PRMT8: variants seen among roughly 807,000 people sequenced by gnomAD.
PRMT8 encodes protein arginine N-methyltransferase 8.
A neutral mutation model predicts 47.1 loss-of-function variants in PRMT8; 7 were observed. That is an observed-to-expected ratio of 0.15 (90% CI 0.08 to 0.28). The LOEUF is 0.28. PRMT8 is among the 10% of genes least tolerant of loss of function. The probability of loss-of-function intolerance (pLI) is 1.00; values close to 1 mark genes in which losing one functional copy is unlikely to be tolerated. For missense variants in PRMT8, 237 were observed against 505.4 expected (o/e 0.47, Z 5.09); for synonymous variants, 188 against 186.5 (o/e 1.01, Z -0.07).
intron 1 of PRMT8, among the ~76,000 whole-genome samples, chr12:3,420,233 T>C (rs1221185273): frequency 2.6e-5 from 4 of 152,122 alleles, no homozygotes; most frequent in African/African-American, 9.7e-5. Flanking sequence ...CAGCTCATCC[T>C]GATTTGGTGA....
intron 8 of PRMT8, among the ~76,000 whole-genome samples, chr12:3,591,113 G>A (rs1867290843): frequency 6.6e-6 from 1 of 152,174 alleles, no homozygotes; most frequent in Non-Finnish European, 1.5e-5. Context: ...ACAGCTGCTG[G>A]CAAGGACGGT....
At position 3,453,000 on chromosome 12, in the gene PRMT8, C is replaced by T. The variant is rs188434330; in HGVS notation, c.48+71558C>T. Among the ~76,000 whole-genome samples, 3 of 152,292 alleles carry T rather than the reference C, an allele frequency of 2.0e-5. No individual in the cohort carries two copies. The East Asian group carries it at 5.8e-4, about 29-fold the overall frequency. On this transcript the variant is annotated intron_variant, in intron 1 of 9. Transcript: ENST00000452611. ...AAAAATCCACACAAAGAAAACATTC[C>T]TGCCTATTCAGAGCTTACAGCCTAA...
chr12:3,387,280 A>G (rs1864150319), intron 1 of PRMT8, among the ~76,000 whole-genome samples: 1 of 152,250 alleles, frequency 6.6e-6, no homozygotes, highest in Non-Finnish European at 1.5e-5. Context: ...AGAGGATGTC[A>G]AAAGAGAAAA....
At chr12:3,435,700 T>G (rs1481229436) in intron 1 of PRMT8, among the ~76,000 whole-genome samples, 1 of 152,042 alleles carries the variant, frequency 6.6e-6, no homozygotes, top group African/African-American at 2.4e-5. Flanking sequence ...TTTTGTATTT[T>G]TAGCAGACAC....
intron 1 of PRMT8, among the ~76,000 whole-genome samples, chr12:3,528,163 GGT>G (rs1019209294): frequency 3.9e-5 from 6 of 152,134 alleles, no homozygotes; most frequent in African/African-American, 1.4e-4. Context: ...TTGTGTTCAG[GGT>G]TTGTTGGGGT....
Position 3,453,838 on chromosome 12 carries a change from G to A in PRMT8, c.48+72396G>A, listed in dbSNP as rs1864946511. On this transcript the variant is annotated intron_variant, in intron 1 of 9. Coordinates refer to the PRMT8 transcript ENST00000452611. This position sits in a 1 kb window ranked among gnomAD's most constrained non-coding sequence, Gnocchi z 4.9. Reference sequence around the variant, plus strand: ...CCTGCTATGCTAGGTCTGGGCTTCCGACGCCGGCCCTGCTCCGGCGATTGA... The same window carrying A: ...CCTGCTATGCTAGGTCTGGGCTTCCAACGCCGGCCCTGCTCCGGCGATTGA... Among the ~76,000 whole-genome samples, 4 of 152,142 alleles carry A rather than the reference G, an allele frequency of 2.6e-5. No individual in the cohort carries two copies. The highest frequency in any genetic ancestry group is 6.5e-5 in the Admixed American group (1 of 15,278).
rs188387855 is a variant in PRMT8, at chr12:3,458,722, T to C, written c.48+77280T>C. 1.5e-3 allele frequency among the ~76,000 whole-genome samples: 226 copies of C among 152,354 alleles called. 1 individual carries two copies. Among genetic ancestry groups the C allele is most frequent in the African/African-American group, 4.8e-3 (200 of 41,584 alleles). On this transcript the variant is annotated intron_variant, in intron 1 of 9. Transcript: ENST00000452611. ...CTTCTTTGGCAAATAATAAACTCAA[T>C]GTCTGCTCTAACTGGCTTTGGTGCA...
chr12:3,490,549 G>GGT (rs1865370933), upstream of PRMT8, among the ~76,000 whole-genome samples: 1 of 149,920 alleles, frequency 6.7e-6, no homozygotes, highest in Non-Finnish European at 1.5e-5. Flanking sequence ...ACTGGAGTGG[G>GGT]GGGGGGGGCA....
intron 1 of PRMT8, among the ~76,000 whole-genome samples, chr12:3,477,521 T>A (rs763982821): frequency 6.6e-6 from 1 of 152,262 alleles, no homozygotes; most frequent in Non-Finnish European, 1.5e-5. Context: ...CTTATTGACG[T>A]TGAGTTCTGA....
chr12:3,543,503 A>T (rs1866269484), intron 2 of PRMT8, among the ~76,000 whole-genome samples: 1 of 152,196 alleles, frequency 6.6e-6, no homozygotes, highest in Non-Finnish European at 1.5e-5. Flanking sequence ...CCCCATCATT[A>T]ACAAGACCCT....
chr12:3,444,990 G>A (rs1269549844), intron 1 of PRMT8, among the ~76,000 whole-genome samples: 2 of 152,214 alleles, frequency 1.3e-5, no homozygotes, highest in East Asian at 1.9e-4. Flanking sequence ...GGGGTGATGG[G>A]GAAGGGAGGG....
intron 1 of PRMT8, among the ~76,000 whole-genome samples, chr12:3,429,749 G>A (rs139764379): frequency 1.5e-3 from 227 of 152,300 alleles, no homozygotes; most frequent in Non-Finnish European, 2.5e-3. Context: ...GTTCCTTCCC[G>A]GTGTTCAGCC....
Position 3,424,057 on chromosome 12 carries a change from A to G in PRMT8, c.48+42615A>G, listed in dbSNP as rs563355868. Among the ~76,000 whole-genome samples, 6 of 152,300 alleles carry G rather than the reference A, an allele frequency of 3.9e-5. No homozygotes were observed. In the South Asian group the frequency reaches 1.2e-3, roughly 32 times the overall value. ...TGAAGTGACATTGAGAGACTGGGCT[A>G]CATGCTTGGCTAATTGCAAAACAAA... is the stretch of plus-strand genomic sequence containing the variant. On this transcript the variant is annotated intron_variant, in intron 1 of 9. Coordinates refer to the PRMT8 transcript ENST00000452611.
At position 3,535,892 on chromosome 12, in the gene PRMT8, C is replaced by G. The variant is rs548872379; in HGVS notation, c.76-4714C>G. Among the ~76,000 whole-genome samples the G allele has an allele frequency of 2.6e-5, 4 of 152,306 alleles. No homozygotes were observed. The highest frequency in any genetic ancestry group is 2.6e-4 in the Admixed American group (4 of 15,310). On this transcript the variant is annotated intron_variant, in intron 1 of 9. Transcript: ENST00000382622. The surrounding 1 kb of genome is among the most constrained non-coding windows in gnomAD (Gnocchi z 4.7). ...TTGGAGTTTGAAAGTCACCTTCACTCAGAGACTCTGCTTGCCTGGTGTGGC... is the reference window on the plus strand; with the variant it reads ...TTGGAGTTTGAAAGTCACCTTCACTGAGAGACTCTGCTTGCCTGGTGTGGC...
chr12:3,394,016 G>C, intron 1 of PRMT8, among the ~76,000 whole-genome samples: 1 of 134,490 alleles, frequency 7.4e-6, no homozygotes, highest in South Asian at 2.7e-4. Context: ...CTCTCTGTCT[G>C]TTGTTGGTGT....
At chr12:3,497,672 A>G (rs1032541323) in intron 1 of PRMT8, among the ~76,000 whole-genome samples, 21 of 152,214 alleles carry the variant, frequency 1.4e-4, no homozygotes, top group Non-Finnish European at 2.2e-4. Context: ...TAGCCACTGG[A>G]TATTTCACAC....
chr12:3,397,781 C>G (rs553930233), intron 1 of PRMT8, among the ~76,000 whole-genome samples: 2 of 151,902 alleles, frequency 1.3e-5, no homozygotes, highest in African/African-American at 2.4e-5. Context: ...TCAGCAAGCC[C>G]GGGCAATGGC....
chr12:3,581,193 C>A (rs981391526), intron 7 of PRMT8, among the ~76,000 whole-genome samples: 4 of 152,030 alleles, frequency 2.6e-5, no homozygotes, highest in African/African-American at 9.7e-5. Flanking sequence ...GTGGCAGGAC[C>A]CACCCAGAGG....
At chr12:3,477,712 C>A (rs943732130) in intron 1 of PRMT8, among the ~76,000 whole-genome samples, 4 of 152,138 alleles carry the variant, frequency 2.6e-5, no homozygotes, top group African/African-American at 9.7e-5. Flanking sequence ...AAACCACTGG[C>A]GGTCGTTTCT....
Sources: gnomAD v4.1 joint callset for allele counts (sites outside exome capture counted in the v4.1 genomes callset) on GRCh38, gnomAD v4.1.1 for gene constraint, Gnocchi (gnomAD v3.1) non-coding constraint, MANE v1.5 for transcripts, NCBI Gene and HGNC (gene_info 2026-07-23, HGNC 2026-07-21) for gene names.